INO80: variants seen among roughly 807,000 people sequenced by gnomAD.
The protein encoded by INO80 is chromatin-remodeling ATPase INO80.
Under a neutral mutation model 203.4 loss-of-function variants are expected in INO80, and 20 were observed. The ratio of observed to expected loss-of-function variants is 0.10; its 90% confidence interval spans 0.07 to 0.14. INO80 has a LOEUF of 0.14. Ranked by LOEUF, INO80 falls within the 10% of genes least tolerant of loss-of-function variation. The pLI, the probability that INO80 is intolerant of heterozygous loss-of-function variation, is 1.00. For synonymous variants in INO80, 726 were observed against 685.2 expected (o/e 1.06, Z -0.93); for missense variants, 1,419 against 1,914.4 (o/e 0.74, Z 4.83).
rs536170676 is a variant in INO80, at chr15:41,039,895, T to C, written c.2907+5009A>G. Among the ~76,000 whole-genome samples, 5 of 152,278 alleles carry C rather than the reference T, an allele frequency of 3.3e-5. No homozygotes were observed. In the South Asian group the frequency reaches 1.0e-3, roughly 32 times the overall value. On this transcript the variant is annotated intron_variant, in intron 24 of 35. Coordinates refer to ENST00000648947, the MANE Select transcript of INO80 (RefSeq NM_017553.3). ...GCACACGTAAACTTCACAATGTAAA[T>C]ATTAATATGTGAATACATGTATATA...
rs77737176 is a variant in INO80, at chr15:41,106,645, C to T, written c.-44+9328G>A. Among the ~76,000 whole-genome samples, 397 of 152,116 alleles carry T rather than the reference C, an allele frequency of 2.6e-3. 3 individuals carry two copies. Among genetic ancestry groups the T allele is most frequent in the African/African-American group, 9.1e-3 (377 of 41,506 alleles). ...CCCTGTCTCAACAAAAAAAAAGAAA[C>T]CAAGATCTGGGCACTAGGTGCACTC... On this transcript the variant is annotated intron_variant, in intron 1 of 35. Transcript: ENST00000648947.
intron 24 of INO80, among the ~76,000 whole-genome samples, chr15:41,041,968 G>A (rs1005505852): frequency 1.3e-5 from 2 of 150,292 alleles, no homozygotes; most frequent in East Asian, 2.0e-4. Flanking sequence ...CTGAGTAGCT[G>A]GGACTACAGG....
intron 4 of INO80, among the ~76,000 whole-genome samples, chr15:41,094,515 A>G (rs2045691763): frequency 1.3e-5 from 2 of 152,186 alleles, no homozygotes; most frequent in South Asian, 4.1e-4. Context: ...CTCCTTTAGA[A>G]TGTAAGCACC....
chr15:40,982,478 G>A (rs938065402), intron 35 of INO80, among the ~76,000 whole-genome samples: 1 of 152,190 alleles, frequency 6.6e-6, no homozygotes, highest in Non-Finnish European at 1.5e-5. Context: ...CATGCAGCAG[G>A]TGCCTCATAT....
intron 29 of INO80, among the ~76,000 whole-genome samples, chr15:40,992,977 T>A (rs369844599): frequency 3.6e-4 from 55 of 152,156 alleles, no homozygotes; most frequent in African/African-American, 1.3e-3. Context: ...AACTTTTTTG[T>A]ACAGATGGGG....
chr15:40,981,714 T>G (rs987541039), intron 35 of INO80, among the ~76,000 whole-genome samples: 2 of 152,230 alleles, frequency 1.3e-5, no homozygotes, highest in African/African-American at 4.8e-5. Flanking sequence ...TCCTGTACTT[T>G]ATAGCTACAA....
intron 26 of INO80, chr15:41,017,599 T>C (rs2044229526): frequency 6.6e-6 from 1 of 152,242 alleles, no homozygotes; most frequent in Admixed American, 6.5e-5. Flanking sequence ...ACAATTATTG[T>C]ATACAAGGAA....
At chr15:41,073,036 C>T (rs1271172870) in intron 11 of INO80, among the ~76,000 whole-genome samples, 1 of 152,028 alleles carries the variant, frequency 6.6e-6, no homozygotes, top group Non-Finnish European at 1.5e-5. Context: ...ACCTCAGCCT[C>T]CCAAAGTGCT....
chr15:41,023,134 A>T, intron 25 of INO80: 1 of 362,518 alleles, frequency 2.8e-6, no homozygotes, highest in South Asian at 2.1e-5. Context: ...AAAAAGAAGG[A>T]ACTTGTTTTC....
In INO80 at chr15:41,092,205, T is replaced by A. The variant is rs193121541; in HGVS notation, c.382-23A>T. On this transcript the variant is annotated intron_variant, in intron 4 of 35. Transcript: ENST00000648947. ...GCTCTGAAAAGGGTGAAAATAGAAATGTATCTTTTGCTGTGAAGCAATCCC... is the reference window on the plus strand; with the variant it reads ...GCTCTGAAAAGGGTGAAAATAGAAAAGTATCTTTTGCTGTGAAGCAATCCC... The A allele has an allele frequency of 2.6e-6, 4 of 1,561,670 alleles. No individual in the cohort carries two copies. The East Asian group carries it at 9.1e-5, about 36-fold the overall frequency.
intron 24 of INO80, among the ~76,000 whole-genome samples, chr15:41,035,024 T>C: frequency 6.6e-6 from 1 of 152,188 alleles, no homozygotes; most frequent in Non-Finnish European, 1.5e-5. Flanking sequence ...CTGCTGAAAA[T>C]GAAACCTCGT....
chr15:40,982,891 T>TAGGCAGCTGCAG lies in INO80; in HGVS notation c.4412_4423dup (p.Ser1471_Ala1474dup). ...AGACACGTTGTACCCGTATGCGGCA[T>TAGGCAGCTGCAG]AGGCAGCTGCAGAGGCCGCTGCAGC... is the stretch of plus-strand genomic sequence containing the variant. On this transcript the variant is annotated inframe_insertion, in exon 35 of 36. Coordinates refer to ENST00000648947, the MANE Select transcript of INO80 (RefSeq NM_017553.3). The TAGGCAGCTGCAG allele has an allele frequency of 1.2e-6, 2 of 1,613,738 alleles. No homozygotes were observed. The highest frequency in any genetic ancestry group is 1.7e-6 in the Non-Finnish European group (2 of 1,180,012).
intron 14 of INO80, among the ~76,000 whole-genome samples, chr15:41,066,216 G>T (rs2045210327): frequency 6.6e-6 from 1 of 152,042 alleles, no homozygotes; most frequent in Non-Finnish European, 1.5e-5. Flanking sequence ...GACCTCAGGT[G>T]ACCCCCCTGC....
chr15:41,069,041 C>A (rs1426726890), intron 14 of INO80, among the ~76,000 whole-genome samples: 1 of 152,116 alleles, frequency 6.6e-6, no homozygotes, highest in Non-Finnish European at 1.5e-5. Context: ...CCACGAGTAT[C>A]CATTTATCAG....
intron 23 of INO80, among the ~76,000 whole-genome samples, chr15:41,046,430 T>A (rs1434417356): frequency 6.6e-6 from 1 of 151,066 alleles, no homozygotes; most frequent in East Asian, 1.9e-4. Flanking sequence ...TTTCAGCATG[T>A]TGGCCAGGCT....
intron 14 of INO80, among the ~76,000 whole-genome samples, chr15:41,066,815 G>A (rs949444351): frequency 1.6e-5 from 2 of 128,578 alleles, no homozygotes; most frequent in Non-Finnish European, 1.6e-5. Context: ...GAGACAGAAG[G>A]AGAAAATGTC....
chr15:40,998,129 C>T (rs1245073336), intron 28 of INO80, among the ~76,000 whole-genome samples: 1 of 149,128 alleles, frequency 6.7e-6, no homozygotes, highest in Non-Finnish European at 1.5e-5. Flanking sequence ...TCAAGCAATT[C>T]TCCTGCCTCA....
chr15:41,055,196 G>A (rs777367653), intron 18 of INO80, 51 bp downstream of exon 18: 3 of 878,618 alleles, frequency 3.4e-6, no homozygotes, highest in Non-Finnish European at 5.3e-6. Flanking sequence ...GCAATTACGT[G>A]GTTGCCTACA....
At chr15:41,006,661 G>A (rs1419001461) in intron 27 of INO80, among the ~76,000 whole-genome samples, 2 of 152,202 alleles carry the variant, frequency 1.3e-5, no homozygotes, top group African/African-American at 2.4e-5. Context: ...CAGCGTATGT[G>A]ACAGCCTATT....
Sources: gnomAD v4.1 joint callset for allele counts (sites outside exome capture counted in the v4.1 genomes callset) on GRCh38, gnomAD v4.1.1 for gene constraint, MANE v1.5 for transcripts, NCBI Gene and HGNC (gene_info 2026-07-23, HGNC 2026-07-21) for gene names.